Variants in GOLGA8B observed in about 807,000 individuals in gnomAD.
GOLGA8B encodes the protein golgin A8 family member B, also known as golgin subfamily A member 8B.
Under a neutral mutation model 15.6 loss-of-function variants are expected in GOLGA8B, and 1 was observed. That is an observed-to-expected ratio of 0.06 (90% CI 0.02 to 0.30). GOLGA8B has a LOEUF of 0.30. Ranked by LOEUF, GOLGA8B falls within the 10% of genes least tolerant of loss-of-function variation. GOLGA8B has a pLI of 1.00. For synonymous variants in GOLGA8B, 9 were observed against 80.3 expected, an observed-to-expected ratio of 0.11 and a Z score of 4.75; for missense variants, 17 against 201.3, an observed-to-expected ratio of 0.08 and a Z score of 5.54.
At position 34,525,411 on chromosome 15, in the gene GOLGA8B, A is replaced by AT. The variant is rs1387180333; in HGVS notation, c.*2220dup. The AT allele has an allele frequency of 1.3e-5, 2 of 149,968 alleles. 1 individual carries two copies. The highest frequency in any genetic ancestry group is 3.0e-5 in the Non-Finnish European group (2 of 67,292). 9.3% of individuals were successfully genotyped at this position (149,968 alleles called of 1,614,324 possible). On this transcript the variant is annotated 3_prime_UTR_variant, in exon 24 of 24. Transcript: ENST00000683415. ...TAACAAGAACCCATACATTGGTAAA[A>AT]TTCATTCTAAGAAAACTTGGCAAAC...
chr15:34,571,615 T>TA (rs541199491), intron 1 of GOLGA8B, among the ~76,000 whole-genome samples: 205 of 123,002 alleles, frequency 1.7e-3, no homozygotes, highest in East Asian at 1.6e-3. Context: ...TGGAATCGTA[T>TA]AAAAAAAAAA....
intron 1 of GOLGA8B, among the ~76,000 whole-genome samples, chr15:34,569,039 T>TTCCTGC (rs1888836013): frequency 1.3e-5 from 2 of 149,400 alleles, no homozygotes; most frequent in Non-Finnish European, 3.0e-5. Flanking sequence ...CACAGTGCTC[T>TTCCTGC]TCCTGCTCCT....
chr15:34,576,753 G>C (rs1305509246), intron 1 of GOLGA8B, among the ~76,000 whole-genome samples: 1 of 152,192 alleles, frequency 6.6e-6, no homozygotes, highest in Middle Eastern at 3.2e-3. Flanking sequence ...GCAGGGACCT[G>C]TGGCCAAAAT....
intron 1 of GOLGA8B, among the ~76,000 whole-genome samples, chr15:34,572,387 G>C (rs1478496125): frequency 6.8e-6 from 1 of 148,112 alleles, no homozygotes; most frequent in Non-Finnish European, 1.5e-5. Context: ...AGCATTCTCC[G>C]TGAGTGTGAA....
chr15:34,569,941 C>T lies in GOLGA8B; in HGVS notation c.-1123+13575G>A, dbSNP rs140017701. ...GGGTCCCAGTGGAAATTTGGTGGCACGGGCAGCATCTCCTGGTACAGTCAG... is the reference window on the plus strand; with the variant it reads ...GGGTCCCAGTGGAAATTTGGTGGCATGGGCAGCATCTCCTGGTACAGTCAG... On this transcript the variant is annotated intron_variant, in intron 1 of 23. Coordinates refer to ENST00000683415, the MANE Select transcript of GOLGA8B (RefSeq NM_001023567.5). 3.7e-3 allele frequency among the ~76,000 whole-genome samples: 558 copies of T among 152,240 alleles called. 1 individual carries two copies. In the East Asian group the frequency reaches 0.043, roughly 12 times the overall value.
At chr15:34,578,460 C>T (rs1419590191) in intron 1 of GOLGA8B, among the ~76,000 whole-genome samples, 4 of 152,124 alleles carry the variant, frequency 2.6e-5, no homozygotes, top group East Asian at 1.9e-4. Flanking sequence ...AAATCTGATA[C>T]AAAATGGGCC....
intron 1 of GOLGA8B, among the ~76,000 whole-genome samples, chr15:34,567,769 G>C (rs3866558): frequency 0.41 from 59,891 of 146,140 alleles, 11,024 homozygotes; most frequent in Admixed American, 0.48. Flanking sequence ...ACAGATTACT[G>C]GTTTTCAAGC....
intron 1 of GOLGA8B, among the ~76,000 whole-genome samples, chr15:34,576,491 A>G (rs4999448): frequency 1.8e-4 from 27 of 152,194 alleles, no homozygotes; most frequent in African/African-American, 3.9e-4. Context: ...CCCAACAACC[A>G]CACATCCCAC....
chr15:34,566,296 A>G (rs1397860204), intron 1 of GOLGA8B: 2 of 142,132 alleles, frequency 1.4e-5, no homozygotes, highest in East Asian at 3.9e-4. Flanking sequence ...ATTTAATGCC[A>G]CAGAATCATA....
At chr15:34,580,097 G>T (rs1292012858) in intron 1 of GOLGA8B, among the ~76,000 whole-genome samples, 2 of 152,188 alleles carry the variant, frequency 1.3e-5, no homozygotes, top group Non-Finnish European at 2.9e-5. Flanking sequence ...AGGTGCAAAG[G>T]CCTGGAGGCA....
chr15:34,577,727 G>A (rs1889121256), intron 1 of GOLGA8B, among the ~76,000 whole-genome samples: 1 of 152,142 alleles, frequency 6.6e-6, no homozygotes, highest in South Asian at 2.1e-4. Context: ...GCATGTTACT[G>A]TGCTGAAGGT....
intron 1 of GOLGA8B, chr15:34,581,424 C>T (rs1889231777): frequency 6.6e-6 from 1 of 152,264 alleles, no homozygotes; most frequent in Admixed American, 6.5e-5. Context: ...CTTATCCCAT[C>T]TCTAAGCTTC....
chr15:34,568,073 C>T (rs1888812692), intron 1 of GOLGA8B, among the ~76,000 whole-genome samples: 1 of 150,522 alleles, frequency 6.6e-6, no homozygotes, highest in South Asian at 2.1e-4. Context: ...ACCTCTTCTC[C>T]CACCAGGGCT....
In GOLGA8B at chr15:34,561,422, A is replaced by G. The variant is rs529758594; in HGVS notation, c.-1122-7466T>C. ...TCCAGAACATTTTCACTGCCCCCAG[A>G]GGAGACCCTGTACTTATTAAGCAGT... On this transcript the variant is annotated intron_variant, in intron 1 of 23. Coordinates refer to ENST00000683415, the MANE Select transcript of GOLGA8B (RefSeq NM_001023567.5). 2.8e-5 allele frequency among the ~76,000 whole-genome samples: 4 copies of G among 145,364 alleles called. No homozygotes were observed. In the South Asian group the frequency reaches 8.6e-4, roughly 31 times the overall value.
At position 34,527,319 on chromosome 15, in the gene GOLGA8B, G is replaced by A; in HGVS notation, c.*313C>T. The A allele has an allele frequency of 2.0e-5, 8 of 391,820 alleles. 1 individual carries two copies. The highest frequency in any genetic ancestry group is 3.8e-5 in the Non-Finnish European group (8 of 212,728). The allele number at this position is 391,820 out of a possible 1,614,324, so 24.3% of individuals were successfully genotyped here. ...TCCAAACCAGCGAGAACAGTTTTGT[G>A]CAAAGAGTGGGTCTTTGTGTGTTTG... On this transcript the variant is annotated 3_prime_UTR_variant, in exon 24 of 24. Transcript: ENST00000683415.
At chr15:34,570,629 G>C (rs971308590) in intron 1 of GOLGA8B, among the ~76,000 whole-genome samples, 1 of 125,538 alleles carries the variant, frequency 8.0e-6, no homozygotes, top group African/African-American at 2.8e-5. Context: ...AAAAAGAAAG[G>C]TCGACGATGG....
intron 1 of GOLGA8B, among the ~76,000 whole-genome samples, chr15:34,578,820 A>T (rs1464828204): frequency 6.6e-6 from 1 of 152,104 alleles, no homozygotes; most frequent in African/African-American, 2.4e-5. Context: ...AGGTATCTCA[A>T]CCACATATTT....
At chr15:34,567,563 G>T (rs1021455212) in intron 1 of GOLGA8B, among the ~76,000 whole-genome samples, 18 of 151,650 alleles carry the variant, frequency 1.2e-4, no homozygotes, top group Non-Finnish European at 4.4e-5. Context: ...CCACTCACTC[G>T]AAATAAAACC....
intron 1 of GOLGA8B, among the ~76,000 whole-genome samples, chr15:34,582,086 C>G (rs1201550470): frequency 6.6e-6 from 1 of 152,196 alleles, no homozygotes; most frequent in Non-Finnish European, 1.5e-5. Context: ...CCAGCCCAGG[C>G]TGAAGGGGGA....
Sources: allele counts gnomAD v4.1 joint callset (sites outside exome capture counted in the v4.1 genomes callset), GRCh38; gene constraint gnomAD v4.1.1; transcripts MANE v1.5; gene names NCBI Gene and HGNC (gene_info 2026-07-23, HGNC 2026-07-21).